The following HYKK variants were observed in gnomAD, a reference collection of about 807,000 sequenced individuals.
HYKK encodes hydroxylysine kinase, also known as 5-hydroxy-L-lysine kinase.
In HYKK, 19 loss-of-function variants were observed where a neutral mutation model predicts 29.7. That is an observed-to-expected ratio of 0.64 (90% CI 0.45 to 0.94). The LOEUF (loss-of-function observed/expected upper bound fraction) is 0.94, where lower values mean the gene tolerates loss of function less well. Ranked by LOEUF, HYKK falls within the 40% of genes least tolerant of loss-of-function variation. The pLI is 0.00. For synonymous variants in HYKK, 152 were observed against 158.1 expected (o/e 0.96, Z 0.29); for missense variants, 390 against 443.4 (o/e 0.88, Z 1.08).
chr15:78,525,301 A>AC (rs2052239866), intron 3 of HYKK, among the ~76,000 whole-genome samples: 3 of 150,932 alleles, frequency 2.0e-5, no homozygotes, highest in Admixed American at 6.6e-5. Flanking sequence ...GACTACAGGC[A>AC]CCCGCCACCA....
chr15:78,514,603 T>C (rs1294053807), intron 2 of HYKK, among the ~76,000 whole-genome samples: 1 of 152,234 alleles, frequency 6.6e-6, no homozygotes, highest in African/African-American at 2.4e-5. Flanking sequence ...TGTGAACTTA[T>C]GAAAGAGTAT....
At chr15:78,517,408 G>C (rs1480447060) in intron 3 of HYKK, among the ~76,000 whole-genome samples, 1 of 151,928 alleles carries the variant, frequency 6.6e-6, no homozygotes, top group East Asian at 1.9e-4. Flanking sequence ...GCAAAACCCT[G>C]TCTCTACTGA....
Position 78,508,880 on chromosome 15 carries a change from CAAAAAA to C in HYKK, c.-6+1224_-6+1229del, listed in dbSNP as rs71148531. Among the ~76,000 whole-genome samples, 6 of 55,614 alleles carry C rather than the reference CAAAAAA, an allele frequency of 1.1e-4. No homozygotes were observed. The South Asian group carries it at 4.1e-3, about 38-fold the overall frequency. The allele number at this position is 55,614 out of a possible 152,430, so 36.5% of individuals were successfully genotyped here. Reference sequence around the variant, plus strand: ...GCAACATAGTGGGACCCTCTCTCTCCAAAAAAAAAAAAAAAAAAAAGGCCAGGCATG... The same window carrying C: ...GCAACATAGTGGGACCCTCTCTCTCCAAAAAAAAAAAAAAGGCCAGGCATG... On this transcript the variant is annotated intron_variant, in intron 1 of 4. Transcript: ENST00000388988.
In HYKK at chr15:78,536,232, C is replaced by G. The variant is rs961276896; in HGVS notation, c.*2562C>G. On this transcript the variant is annotated 3_prime_UTR_variant, in exon 5 of 5. Coordinates refer to ENST00000388988, the MANE Select transcript of HYKK (RefSeq NM_001013619.4). The stretch of plus-strand genomic sequence containing the variant: ...TAAATCAGGCCTTTCTGATGTAGAC[C>G]ATGCTCTTCACTACCACAGAGTTCC... 6.6e-6 allele frequency: 1 copy of G among 151,882 alleles called. No homozygotes were observed. The highest frequency in any genetic ancestry group is 1.5e-5 in the Non-Finnish European group (1 of 67,992). The allele number at this position is 151,882 out of a possible 1,614,324, so 9.4% of individuals were successfully genotyped here.
chr15:78,523,715 G>T (rs8031948), intron 3 of HYKK, among the ~76,000 whole-genome samples: 41,304 of 152,106 alleles, frequency 0.27, 6,373 homozygotes, highest in Middle Eastern at 0.41. Context: ...TTACTTCTAA[G>T]ATACAATGGG....
intron 1 of HYKK, among the ~76,000 whole-genome samples, chr15:78,511,059 G>A (rs748654893): frequency 6.1e-5 from 9 of 148,172 alleles, no homozygotes; most frequent in Non-Finnish European, 1.2e-4. Context: ...TCCCACCTTG[G>A]CTTCCCAAAG....
In HYKK at chr15:78,533,907, A is replaced by G. The variant is rs17407257; in HGVS notation, c.*237A>G. ...TTTTTCTGTGAGTCTTACTTGCCAT[A>G]TCTATAAAACACATATAATGATACC... On this transcript the variant is annotated 3_prime_UTR_variant, in exon 5 of 5. Transcript: ENST00000388988. 0.35 allele frequency: 188,343 copies of G among 531,938 alleles called. 36,623 individuals carry two copies. Among genetic ancestry groups the G allele is most frequent in the Non-Finnish European group, 0.42 (127,075 of 300,794 alleles). The allele number at this position is 531,938 out of a possible 1,614,324, so 33.0% of individuals were successfully genotyped here.
chr15:78,524,085 C>T (rs2052224951), intron 3 of HYKK, among the ~76,000 whole-genome samples: 1 of 152,234 alleles, frequency 6.6e-6, no homozygotes, highest in Admixed American at 6.5e-5. Context: ...CTAGGCAGTA[C>T]CCCAGTGGGG....
chr15:78,508,156 T>G (rs1457473107), intron 1 of HYKK, among the ~76,000 whole-genome samples: 1 of 152,208 alleles, frequency 6.6e-6, no homozygotes, highest in East Asian at 1.9e-4. Flanking sequence ...AATGCACTGT[T>G]GTCTTTGAAA....
intron 3 of HYKK, among the ~76,000 whole-genome samples, chr15:78,518,935 A>G (rs1262060534): frequency 6.6e-6 from 1 of 151,510 alleles, no homozygotes; most frequent in Admixed American, 6.6e-5. Context: ...AAAAAAAAAA[A>G]CTGAAACCCC....
chr15:78,513,931 A>G (rs2052101176), intron 2 of HYKK, among the ~76,000 whole-genome samples: 1 of 152,044 alleles, frequency 6.6e-6, no homozygotes, highest in African/African-American at 2.4e-5. Context: ...AGCTGGGACT[A>G]CAGGCATGCA....
At chr15:78,525,389 C>T (rs1567021632) in intron 3 of HYKK, among the ~76,000 whole-genome samples, 1 of 152,126 alleles carries the variant, frequency 6.6e-6, no homozygotes, top group Non-Finnish European at 1.5e-5. Context: ...ATCTCCTGAC[C>T]TCGTGATCTG....
At chr15:78,519,756 G>A (rs12438181) in intron 3 of HYKK, among the ~76,000 whole-genome samples, 39,962 of 151,916 alleles carry the variant, frequency 0.26, 5,967 homozygotes, top group Admixed American at 0.46. Context: ...GTGAGACAAC[G>A]TCTCAAAAAA....
At chr15:78,515,248 G>A (rs2052119115) in intron 3 of HYKK, 141 bp downstream of exon 3, 5 of 517,514 alleles carry the variant, frequency 9.7e-6, no homozygotes, top group Non-Finnish European at 1.2e-5. Context: ...GTCCTAGAGT[G>A]CATACATTTT....
At chr15:78,512,400 C>CTTTTTTTT (rs902963099) in intron 1 of HYKK, among the ~76,000 whole-genome samples, 30 of 125,676 alleles carry the variant, frequency 2.4e-4, no homozygotes, top group East Asian at 4.5e-4. Flanking sequence ...TTTTCTTTTT[C>CTTTTTTTT]TTTTTTTTTT....
At chr15:78,520,996 C>T (rs1322447522) in intron 3 of HYKK, among the ~76,000 whole-genome samples, 8 of 151,994 alleles carry the variant, frequency 5.3e-5, no homozygotes, top group Middle Eastern at 3.4e-3. Flanking sequence ...CCGGACGGGG[C>T]GGCTGAGGAG....
At position 78,534,948 on chromosome 15, in the gene HYKK, C is replaced by T. The variant is rs1005059650; in HGVS notation, c.*1278C>T. On this transcript the variant is annotated 3_prime_UTR_variant, in exon 5 of 5. Coordinates refer to ENST00000388988, the MANE Select transcript of HYKK (RefSeq NM_001013619.4). ...ATGACTATGAAGTAGATTGGGTAGA[C>T]TGAAGCTCACTGTATTCTTGGCTGA... The T allele has an allele frequency of 3.3e-5, 5 of 152,216 alleles. No individual in the cohort carries two copies. Among genetic ancestry groups the T allele is most frequent in the African/African-American group, 1.2e-4 (5 of 41,448 alleles). 9.4% of individuals were successfully genotyped at this position (152,216 alleles called of 1,614,324 possible). A position where few individuals can be genotyped will look rare whatever the true frequency, so the allele number is the denominator to read the frequency against.
chr15:78,518,273 C>T (rs927145802), intron 3 of HYKK, among the ~76,000 whole-genome samples: 1 of 152,138 alleles, frequency 6.6e-6, no homozygotes, highest in East Asian at 1.9e-4. Flanking sequence ...CCGCAACCTC[C>T]GCCTCCCAGG....
In HYKK at chr15:78,533,638, G is replaced by C; in HGVS notation, c.1090G>C (p.Ala364Pro). 1.2e-6 allele frequency: 2 copies of C among 1,614,006 alleles called. No homozygotes were observed. Among genetic ancestry groups the C allele is most frequent in the Non-Finnish European group, 1.7e-6 (2 of 1,179,884 alleles). Residue 364 changes from alanine to proline, a missense_variant, in exon 5 of 5, where the codon GCC (alanine) becomes CCC (proline). Transcript: ENST00000388988. Reference protein sequence around the residue: ...KAVEEIWFETAKSYESGISM With the variant: ...KAVEEIWFETPKSYESGISM Reference sequence around the variant, plus strand: ...TGTAGAAGAAATCTGGTTTGAAACTGCCAAATCCTATGAATCTGGGATCTC... The same window carrying C: ...TGTAGAAGAAATCTGGTTTGAAACTCCCAAATCCTATGAATCTGGGATCTC...
Sources: allele counts gnomAD v4.1 joint callset (sites outside exome capture counted in the v4.1 genomes callset), GRCh38; gene constraint gnomAD v4.1.1; transcripts MANE v1.5; gene names NCBI Gene and HGNC (gene_info 2026-07-23, HGNC 2026-07-21).